The following NAALAD2 variants were observed in gnomAD, a reference collection of about 807,000 sequenced individuals.
The protein encoded by NAALAD2 is N-acetylated-alpha-linked acidic dipeptidase 2.
In NAALAD2, 89 loss-of-function variants were observed where a neutral mutation model predicts 95.6. That is an observed-to-expected ratio of 0.93 (90% CI 0.78 to 1.11). NAALAD2 has a LOEUF of 1.11. NAALAD2 is among the 50% of genes least tolerant of loss of function. The pLI is 0.00. For synonymous variants in NAALAD2, 264 were observed against 294.4 expected (o/e 0.90, Z 1.06); for missense variants, 894 against 872.4 (o/e 1.02, Z -0.31).
intron 2 of NAALAD2, among the ~76,000 whole-genome samples, chr11:90,141,277 C>T (rs532111087): frequency 6.6e-6 from 1 of 152,174 alleles, no homozygotes; most frequent in Non-Finnish European, 1.5e-5. Context: ...ATTGGTGGAG[C>T]TTTGATAGGA....
At chr11:90,175,054 T>G (rs1952747867) in intron 14 of NAALAD2, among the ~76,000 whole-genome samples, 1 of 152,202 alleles carries the variant, frequency 6.6e-6, no homozygotes, top group Non-Finnish European at 1.5e-5. Flanking sequence ...GATATCTCAC[T>G]GCATATATGT....
chr11:90,158,147 T>C lies in NAALAD2; in HGVS notation c.799T>C (p.Tyr267His). ...PLTPGYPAKE[Y>H]TFRLDVEEGV... is the part of the protein sequence containing the mutation. ...TTTTATGCATTTGATTTTTTTAGAA[T>C]ACACTTTCAGACTTGATGTTGAAGA... The change falls in exon 7 of 19, where the codon TAC (tyrosine) becomes CAC (histidine). Residue 267 changes from tyrosine (Y) to histidine (H), a missense_variant and splice_region_variant. By Grantham distance (83) the Tyr-to-His change is moderately conservative. Transcript: ENST00000534061. 3 of 1,600,298 alleles carry C rather than the reference T, an allele frequency of 1.9e-6. No individual in the cohort carries two copies. The South Asian group carries it at 3.4e-5, about 18-fold the overall frequency.
At position 90,159,229 on chromosome 11, in the gene NAALAD2, A is replaced by C. The variant is rs1026788981; in HGVS notation, c.891-10A>C. 1 of 1,602,330 alleles carries C rather than the reference A, an allele frequency of 6.2e-7. No individual in the cohort carries two copies. Among genetic ancestry groups the C allele is most frequent in the African/African-American group, 1.3e-5 (1 of 74,560 alleles). Reference sequence around the variant, plus strand: ...AGCCTTTTTCTGTCACTTTCATTTTATTTTGTCAGCTACTTGGGAGGAATT... The same window carrying C: ...AGCCTTTTTCTGTCACTTTCATTTTCTTTTGTCAGCTACTTGGGAGGAATT... On this transcript the variant is annotated splice_polypyrimidine_tract_variant and intron_variant, in intron 7 of 18. Coordinates refer to ENST00000534061, the MANE Select transcript of NAALAD2 (RefSeq NM_005467.4).
At chr11:90,169,849 C>G (rs926770653) in intron 12 of NAALAD2, among the ~76,000 whole-genome samples, 3 of 152,118 alleles carry the variant, frequency 2.0e-5, no homozygotes, top group African/African-American at 7.2e-5. Context: ...GCTGCCTTAG[C>G]AACCAAAGTC....
intron 8 of NAALAD2, among the ~76,000 whole-genome samples, chr11:90,160,204 C>A (rs1952256971): frequency 6.6e-6 from 1 of 152,034 alleles, no homozygotes; most frequent in African/African-American, 2.4e-5. Flanking sequence ...CTTAGTCTTA[C>A]AGAAAGAGTA....
At chr11:90,134,879 G>A (rs1400200569) in intron 1 of NAALAD2, 39 bp downstream of exon 1, 2 of 1,597,936 alleles carry the variant, frequency 1.3e-6, no homozygotes, top group South Asian at 2.2e-5. Flanking sequence ...TCCGGGGCTC[G>A]TGATTCTCTG....
Position 90,190,093 on chromosome 11 carries a change from GCTT to G in NAALAD2, c.2034-1461_2034-1459del, listed in dbSNP as rs1231049865. Among the ~76,000 whole-genome samples the G allele has an allele frequency of 1.7e-4, 26 of 152,266 alleles. No individual in the cohort carries two copies. The South Asian group carries it at 2.1e-3, about 12-fold the overall frequency. ...GATCATTTCTTTTAGCTTGCTGCCT[GCTT>G]CTTATCTGAGAAAATTAGGGAAAGG... On this transcript the variant is annotated intron_variant, in intron 18 of 18. Coordinates refer to ENST00000534061, the MANE Select transcript of NAALAD2 (RefSeq NM_005467.4).
At chr11:90,190,761 A>G (rs189154959) in intron 18 of NAALAD2, among the ~76,000 whole-genome samples, 59 of 152,202 alleles carry the variant, frequency 3.9e-4, no homozygotes, top group African/African-American at 1.3e-3. Flanking sequence ...GATGAGTGTT[A>G]TAGATTTGTC....
At chr11:90,169,058 T>C in intron 12 of NAALAD2, 66 bp downstream of exon 12, 6 of 1,158,790 alleles carry the variant, frequency 5.2e-6, no homozygotes, top group Non-Finnish European at 7.6e-6. Context: ...TAACTTTTAT[T>C]ATTGAGTAGA....
At chr11:90,150,643 G>C (rs1225138840) in intron 5 of NAALAD2, 36 bp downstream of exon 5, 17 of 1,512,416 alleles carry the variant, frequency 1.1e-5, no homozygotes, top group Admixed American at 1.9e-5. Flanking sequence ...GAGAATGAGA[G>C]GATATATATA....
Position 90,173,846 on chromosome 11 carries a change from T to A in NAALAD2, c.1433T>A (p.Phe478Tyr). ...CAGATCCCCAGCCCTGATGATGGGT[T>A]TGAGAGTAAATCACTGTATGAAAGC... Reference protein sequence around the residue: ...TKEIPSPDDGFESKSLYESWL... With the variant: ...TKEIPSPDDGYESKSLYESWL... The change falls in exon 14 of 19, where the codon TTT (phenylalanine) becomes TAT (tyrosine). Residue 478 changes from phenylalanine (F) to tyrosine (Y), a missense_variant. By Grantham distance (22) the Phe-to-Tyr change is conservative. Coordinates refer to ENST00000534061, the MANE Select transcript of NAALAD2 (RefSeq NM_005467.4). 6.2e-7 allele frequency: 1 copy of A among 1,613,440 alleles called. No individual in the cohort carries two copies. Among genetic ancestry groups the A allele is most frequent in the Non-Finnish European group, 8.5e-7 (1 of 1,179,702 alleles).
chr11:90,176,229 T>C (rs527965724), intron 15 of NAALAD2, among the ~76,000 whole-genome samples, 167 bp downstream of exon 15: 2 of 152,230 alleles, frequency 1.3e-5, no homozygotes, highest in South Asian at 4.1e-4. Context: ...AGGAAGCAAT[T>C]TGAGTAATTT....
At chr11:90,159,751 G>T (rs112185179) in intron 8 of NAALAD2, among the ~76,000 whole-genome samples, 5 of 152,078 alleles carry the variant, frequency 3.3e-5, no homozygotes, top group African/African-American at 1.2e-4. Context: ...GGGAGTTCAA[G>T]ACCAGCCTGG....
chr11:90,140,968 C>T (rs894335213), intron 2 of NAALAD2, among the ~76,000 whole-genome samples: 1 of 152,018 alleles, frequency 6.6e-6, no homozygotes, highest in African/African-American at 2.4e-5. Context: ...AAAATGTTAT[C>T]CTTCTTTCAT....
rs190645445 is a variant in NAALAD2 at position 90,189,561 on chromosome 11, G to A, written c.2034-1997G>A. ...AGGCGGGTGGATTACCTGAGGTCAG[G>A]AGTTTAAGACCAGCCTGGCCAACAT... On this transcript the variant is annotated intron_variant, in intron 18 of 18. Transcript: ENST00000534061. 7.7e-3 allele frequency among the ~76,000 whole-genome samples: 1,177 copies of A among 152,216 alleles called. 12 individuals are homozygous for A. Among genetic ancestry groups the A allele is most frequent in the African/African-American group, 0.027 (1,126 of 41,542 alleles).
chr11:90,158,997 C>A (rs1429279781), intron 7 of NAALAD2: 2 of 415,816 alleles, frequency 4.8e-6, no homozygotes, highest in Admixed American at 4.2e-5. Context: ...TTTGCCATGA[C>A]TACTTTATTT....
At chr11:90,153,524 C>T (rs1440264684) in intron 6 of NAALAD2, among the ~76,000 whole-genome samples, 2 of 151,918 alleles carry the variant, frequency 1.3e-5, no homozygotes, top group Admixed American at 6.6e-5. Context: ...ATTTTCAAAA[C>T]GTTTTGTCTA....
rs747355362 is a variant in NAALAD2 at position 90,163,378 on chromosome 11, G to T, written c.1144G>T (p.Val382Phe). 1 of 1,614,108 alleles carries T rather than the reference G, an allele frequency of 6.2e-7. No homozygotes were observed. Among genetic ancestry groups the T allele is most frequent in the African/African-American group, 1.3e-5 (1 of 75,060 alleles). ...VFGAIDPTSG[V>F]AVLQEIARSF... The stretch of plus-strand genomic sequence containing the variant: ...TGGAGCTATTGACCCAACCAGTGGG[G>T]TTGCTGTTTTGCAAGAAATTGCCCG... Residue 382 changes from valine to phenylalanine, a missense_variant, in exon 10 of 19, where the codon GTT (valine) becomes TTT (phenylalanine). Val to Phe is a conservative substitution (Grantham distance 50). Coordinates refer to ENST00000534061, the MANE Select transcript of NAALAD2 (RefSeq NM_005467.4).
At chr11:90,173,944 T>C (rs780173010) in intron 14 of NAALAD2, 29 bp downstream of exon 14, 2 of 1,430,304 alleles carry the variant, frequency 1.4e-6, no homozygotes, top group South Asian at 2.3e-5. Context: ...CCTTTTCTAC[T>C]GTAGGATAAG....
Sources: allele counts gnomAD v4.1 joint callset (sites outside exome capture counted in the v4.1 genomes callset), GRCh38; gene constraint gnomAD v4.1.1; transcripts MANE v1.5; gene names NCBI Gene and HGNC (gene_info 2026-07-23, HGNC 2026-07-21).